The following HS2ST1 variants were observed in gnomAD, a reference collection of about 807,000 sequenced individuals.
HS2ST1 encodes 2-O-sulfotransferase.
In HS2ST1, 18 loss-of-function variants were observed where a neutral mutation model predicts 42.9. The observed-to-expected ratio is 0.42, with a 90% CI of 0.29 to 0.62. HS2ST1 has a LOEUF of 0.62. HS2ST1 is among the 20% of genes least tolerant of loss of function. The pLI, the probability that HS2ST1 is intolerant of heterozygous loss-of-function variation, is 0.21. For synonymous variants in HS2ST1, 146 were observed against 152.9 expected, an observed-to-expected ratio of 0.95 and a Z score of 0.33; for missense variants, 334 against 433.8, an observed-to-expected ratio of 0.77 and a Z score of 2.04.
intron 2 of HS2ST1, among the ~76,000 whole-genome samples, chr1:87,083,555 T>C (rs144255480): frequency 2.0e-5 from 3 of 152,290 alleles, no homozygotes; most frequent in African/African-American, 7.2e-5. Flanking sequence ...AATATACTTA[T>C]ATAATTTTTC....
intron 4 of HS2ST1, among the ~76,000 whole-genome samples, chr1:87,095,332 C>A (rs968634653): frequency 1.3e-5 from 2 of 152,134 alleles, no homozygotes; most frequent in African/African-American, 4.8e-5. Flanking sequence ...ATTCTTTGCA[C>A]CTCAAGTGAT....
chr1:86,976,704 G>GCATATATATATATATATATATATATATA (rs1553134339), intron 1 of HS2ST1, among the ~76,000 whole-genome samples: 1 of 79,662 alleles, frequency 1.3e-5, no homozygotes, highest in Non-Finnish European at 2.7e-5. Context: ...TTATAAAATT[G>GCATATATATATATATATATATATATATA]TATATATATA....
At chr1:87,095,800 A>G (rs1366892644) in intron 4 of HS2ST1, among the ~76,000 whole-genome samples, 2 of 152,046 alleles carry the variant, frequency 1.3e-5, no homozygotes, top group Non-Finnish European at 2.9e-5. Flanking sequence ...CCATTTACTG[A>G]AAAAATTTTA....
Position 87,018,132 on chromosome 1 carries a change from C to CCACACACACACACACA in HS2ST1, c.125-54785_125-54770dup, listed in dbSNP as rs56401098. Among the ~76,000 whole-genome samples the CCACACACACACACACA allele has an allele frequency of 3.5e-4, 52 of 149,236 alleles. 1 individual carries two copies. The highest frequency in any genetic ancestry group is 7.4e-4 in the African/African-American group (30 of 40,352). On this transcript the variant is annotated intron_variant, in intron 1 of 6. Transcript: ENST00000370550. ...TTTACCCTTCAAAGATAAATAAAAG[C>CCACACACACACACACA]CACACACACACACACACACACACAC...
chr1:87,054,291 T>C (rs1473669544), intron 1 of HS2ST1, among the ~76,000 whole-genome samples: 1 of 152,144 alleles, frequency 6.6e-6, no homozygotes, highest in East Asian at 1.9e-4. Flanking sequence ...TCTAGAGATA[T>C]CTCATGTGGG....
In HS2ST1 at chr1:87,104,988, G is replaced by T; in HGVS notation, c.*292G>T. On this transcript the variant is annotated 3_prime_UTR_variant, in exon 7 of 7. Coordinates refer to ENST00000370550, the MANE Select transcript of HS2ST1 (RefSeq NM_012262.4). The stretch of plus-strand genomic sequence containing the variant: ...AACTTATGGCAGGTCTAATCAAAAG[G>T]CTAAATACAATTTCAGAAAAGGTTC... 3.5e-6 allele frequency: 1 copy of T among 281,946 alleles called. No homozygotes were observed. The highest frequency in any genetic ancestry group is 6.6e-6 in the Non-Finnish European group (1 of 150,454). The allele number at this position is 281,946 out of a possible 1,614,324, so 17.5% of individuals were successfully genotyped here.
intron 1 of HS2ST1, among the ~76,000 whole-genome samples, chr1:86,916,450 T>C (rs1660160110): frequency 2.0e-5 from 3 of 152,210 alleles, no homozygotes; most frequent in Non-Finnish European, 4.4e-5. Flanking sequence ...GTAGCTATTT[T>C]GGTACAAGGC....
At chr1:87,086,983 T>C (rs1190257278) in intron 3 of HS2ST1, among the ~76,000 whole-genome samples, 1 of 152,100 alleles carries the variant, frequency 6.6e-6, no homozygotes, top group Admixed American at 6.6e-5. Flanking sequence ...ATTTTCAAAA[T>C]GTCATAGTAT....
At chr1:87,072,721 A>G (rs1051193679) in intron 1 of HS2ST1, among the ~76,000 whole-genome samples, 10 of 152,132 alleles carry the variant, frequency 6.6e-5, no homozygotes, top group Non-Finnish European at 1.2e-4. Flanking sequence ...TTGAATAGGA[A>G]GATTATGTTC....
intron 1 of HS2ST1, among the ~76,000 whole-genome samples, chr1:87,007,833 T>G (rs1206255977): frequency 1.3e-5 from 2 of 152,204 alleles, no homozygotes; most frequent in African/African-American, 4.8e-5. Flanking sequence ...GTGCTGTGTT[T>G]ATTATTTTCT....
chr1:87,081,990 AAAAG>A (rs1283520177), intron 2 of HS2ST1, among the ~76,000 whole-genome samples: 1 of 151,466 alleles, frequency 6.6e-6, no homozygotes, highest in Non-Finnish European at 1.5e-5. Context: ...AAAAAGAAAA[AAAAG>A]AAAAAAAAAG....
chr1:87,101,158 T>G (rs1652194131), intron 5 of HS2ST1, among the ~76,000 whole-genome samples: 4 of 105,582 alleles, frequency 3.8e-5, no homozygotes, highest in Non-Finnish European at 5.9e-5. Context: ...TGTTTTTTGT[T>G]TTTTTTTTTT....
chr1:87,017,413 A>C (rs138684791), intron 1 of HS2ST1, among the ~76,000 whole-genome samples: 3,603 of 152,328 alleles, frequency 0.024, 55 homozygotes, highest in Non-Finnish European at 0.036. Context: ...CTGGGATTAC[A>C]GGCATAAGCC....
chr1:86,931,773 T>A (rs1660550307), intron 1 of HS2ST1, among the ~76,000 whole-genome samples: 1 of 152,106 alleles, frequency 6.6e-6, no homozygotes, highest in Non-Finnish European at 1.5e-5. Context: ...TAATTTAACA[T>A]CATGTTATTG....
intron 2 of HS2ST1, among the ~76,000 whole-genome samples, chr1:87,078,030 C>T (rs997785392): frequency 2.0e-5 from 3 of 152,156 alleles, no homozygotes; most frequent in Admixed American, 6.5e-5. Flanking sequence ...GGCTTAGTCT[C>T]ATAAAAGTAC....
chr1:86,948,293 A>G (rs1390233738), intron 1 of HS2ST1, among the ~76,000 whole-genome samples: 1 of 152,160 alleles, frequency 6.6e-6, no homozygotes, highest in Admixed American at 6.6e-5. Context: ...GTTTATTTGT[A>G]TAGAGACTAG....
intron 1 of HS2ST1, among the ~76,000 whole-genome samples, chr1:87,028,871 GT>G (rs1251615804): frequency 6.6e-6 from 1 of 152,034 alleles, no homozygotes; most frequent in Non-Finnish European, 1.5e-5. Context: ...AAAAAGTATA[GT>G]TTCTGATTTT....
rs114617470 is a variant in HS2ST1, at chr1:87,045,899, T to G, written c.125-27035T>G. The G allele has an allele frequency of 1.7e-3, 1,193 of 699,306 alleles. 15 individuals carry two copies. The African/African-American group carries it at 0.019, about 11-fold the overall frequency. 43.3% of individuals were successfully genotyped at this position (699,306 alleles called of 1,614,324 possible). A position where few individuals can be genotyped will look rare whatever the true frequency, so the allele number is the denominator to read the frequency against. ...TGCTGTGAGCTCCTTAAGAACCTTG[T>G]GCTCACCGGCTTCTCCCACGTCGAC... On this transcript the variant is annotated intron_variant, in intron 1 of 6. Coordinates refer to ENST00000370550, the MANE Select transcript of HS2ST1 (RefSeq NM_012262.4).
At chr1:87,027,751 G>A (rs1033740092) in intron 1 of HS2ST1, among the ~76,000 whole-genome samples, 10 of 152,236 alleles carry the variant, frequency 6.6e-5, no homozygotes, top group Admixed American at 1.3e-4. Context: ...GCAGTGGCAC[G>A]ATCTTGGCTT....
Sources: allele counts gnomAD v4.1 joint callset (sites outside exome capture counted in the v4.1 genomes callset), GRCh38; gene constraint gnomAD v4.1.1; transcripts MANE v1.5; gene names NCBI Gene and HGNC (gene_info 2026-07-23, HGNC 2026-07-21).